The following CREM variants were observed in gnomAD, a reference collection of about 807,000 sequenced individuals.
CREM encodes the protein cAMP-responsive element modulator.
A neutral mutation model predicts 37.3 loss-of-function variants in CREM; 13 were observed. The ratio of observed to expected loss-of-function variants is 0.35; its 90% CI spans 0.23 to 0.55. CREM has a LOEUF of 0.55. Ranked by LOEUF, CREM falls within the 20% of genes least tolerant of loss-of-function variation. CREM has a pLI of 0.88. For synonymous variants in CREM, 124 were observed against 120.2 expected (o/e 1.03, Z -0.21); for missense variants, 296 against 362.3 (o/e 0.82, Z 1.49).
chr10:35,137,574 C>CA (rs1168270831), intron 1 of CREM, among the ~76,000 whole-genome samples: 25 of 151,972 alleles, frequency 1.6e-4, no homozygotes, highest in African/African-American at 5.5e-4. Flanking sequence ...GTAAGATTGA[C>CA]AAAAAACCGT....
chr10:35,199,312 T>A (rs1008100412), intron 6 of CREM, among the ~76,000 whole-genome samples: 1 of 152,274 alleles, frequency 6.6e-6, no homozygotes, highest in Non-Finnish European at 1.5e-5. Context: ...ACTCATGTTA[T>A]TTTCCTACTA....
chr10:35,206,836 T>C (rs1588892885), intron 6 of CREM, 59 bp from the exon 7 acceptor site: 1 of 1,543,274 alleles, frequency 6.5e-7, no homozygotes. Context: ...ATCAGTTTTA[T>C]GTAAAATGCC....
intron 3 of CREM, among the ~76,000 whole-genome samples, chr10:35,177,087 A>G (rs1047867361): frequency 6.6e-6 from 1 of 152,186 alleles, no homozygotes; most frequent in Non-Finnish European, 1.5e-5. Flanking sequence ...CAAAAAAAAA[A>G]ATCTGTGAGG....
At chr10:35,155,272 G>A (rs575271416) in intron 3 of CREM, among the ~76,000 whole-genome samples, 1 of 152,226 alleles carries the variant, frequency 6.6e-6, no homozygotes, top group African/African-American at 2.4e-5. Context: ...GTCACTAGCA[G>A]TAATGAAAAA....
chr10:35,197,684 C>T (rs1252995079), intron 6 of CREM, among the ~76,000 whole-genome samples: 2 of 152,144 alleles, frequency 1.3e-5, no homozygotes, highest in African/African-American at 4.8e-5. Context: ...GTCTCGATCT[C>T]CTGACCTCGT....
rs2095682104 is a variant in CREM, at chr10:35,212,888, AATGTGATCTATGTTT to A, written c.*1491_*1505del. Reference sequence around the variant, plus strand: ...TGAGGTTCATTACAATCGAGACTGCAATGTGATCTATGTTTCATCTTGTTTTTATAATAAAAAGCT... The same window carrying A: ...TGAGGTTCATTACAATCGAGACTGCACATCTTGTTTTTATAATAAAAAGCT... On this transcript the variant is annotated 3_prime_UTR_variant, in exon 8 of 8. Transcript: ENST00000685392. 6.5e-6 allele frequency: 1 copy of A among 152,738 alleles called. No homozygotes were observed. Among genetic ancestry groups the A allele is most frequent in the Non-Finnish European group, 1.5e-5 (1 of 68,020 alleles). 9.5% of individuals were successfully genotyped at this position (152,738 alleles called of 1,614,324 possible).
intron 1 of CREM, among the ~76,000 whole-genome samples, chr10:35,132,683 A>G (rs1050310918): frequency 3.3e-5 from 5 of 152,220 alleles, no homozygotes; most frequent in African/African-American, 1.2e-4. Context: ...TATAAGACCA[A>G]TGGTGTAATT....
chr10:35,210,872 T>A (rs1332136032), intron 7 of CREM: 1 of 159,466 alleles, frequency 6.3e-6, no homozygotes, highest in African/African-American at 2.4e-5. Flanking sequence ...ACTCATTATG[T>A]CGGAGTATGT....
rs2087868426 is a variant in CREM at position 35,126,887 on chromosome 10, G to C, written c.-361G>C. The C allele has an allele frequency of 6.6e-6, 1 of 152,330 alleles. No homozygotes were observed. The allele number at this position is 152,330 out of a possible 1,614,324, so 9.4% of individuals were successfully genotyped here. A position where few individuals can be genotyped will look rare whatever the true frequency, so the allele number is the denominator to read the frequency against. ...GCTTCACTCCTGCTGGCGGCCGGCA[G>C]GGGGCGGAGTTCGAGCCTGGATTTT... is the stretch of plus-strand genomic sequence containing the variant. On this transcript the variant is annotated 5_prime_UTR_variant, in exon 1 of 8. Transcript: ENST00000685392.
At chr10:35,142,065 G>T (rs958134882) in intron 2 of CREM, among the ~76,000 whole-genome samples, 6 of 152,164 alleles carry the variant, frequency 3.9e-5, no homozygotes, top group African/African-American at 1.4e-4. Flanking sequence ...CTCTAAACTT[G>T]GGGGTATCTA....
chr10:35,154,258 A>G (rs1399949559), intron 3 of CREM: 2 of 391,722 alleles, frequency 5.1e-6, no homozygotes, highest in Non-Finnish European at 9.0e-6. Context: ...TTGGTCCCAC[A>G]TAGGCCTAGG....
chr10:35,137,652 A>T, intron 1 of CREM, 130 bp from the exon 2 acceptor site: 1 of 345,296 alleles, frequency 2.9e-6, no homozygotes, highest in Non-Finnish European at 5.2e-6. Flanking sequence ...TTTTATTTTT[A>T]GTTTTATAGA....
chr10:35,162,319 G>A (rs1589695255), intron 3 of CREM, among the ~76,000 whole-genome samples: 2 of 152,250 alleles, frequency 1.3e-5, no homozygotes, highest in South Asian at 2.1e-4. Flanking sequence ...TATAATTACA[G>A]TTAGGAGGAA....
At chr10:35,203,230 G>GTCTTGT in intron 6 of CREM, among the ~76,000 whole-genome samples, 1 of 151,990 alleles carries the variant, frequency 6.6e-6, no homozygotes, top group Non-Finnish European at 1.5e-5. Context: ...ATGTCTTGTA[G>GTCTTGT]AGATCAGGTT....
intron 3 of CREM, among the ~76,000 whole-genome samples, chr10:35,151,150 A>G (rs2092571812): frequency 6.6e-6 from 1 of 152,228 alleles, no homozygotes; most frequent in African/African-American, 2.4e-5. Flanking sequence ...TTTGAATAAA[A>G]TGGAACATTA....
At chr10:35,178,457 C>T (rs991917069) in intron 3 of CREM, among the ~76,000 whole-genome samples, 7 of 152,184 alleles carry the variant, frequency 4.6e-5, no homozygotes, top group Admixed American at 4.6e-4. Context: ...CTCACGCCAG[C>T]GCCAGCTGTG....
At chr10:35,165,683 G>T (rs2093515749) in intron 3 of CREM, among the ~76,000 whole-genome samples, 1 of 151,498 alleles carries the variant, frequency 6.6e-6, no homozygotes, top group South Asian at 2.1e-4. Context: ...TTCTATAAAG[G>T]TCATGTCCAT....
chr10:35,211,188 C>G (rs1221060828), intron 7 of CREM, 66 bp from the exon 8 acceptor site: 1 of 1,561,028 alleles, frequency 6.4e-7, no homozygotes, highest in East Asian at 2.2e-5. Flanking sequence ...GGCAGAAGTG[C>G]ACTGACCCAC....
intron 7 of CREM, among the ~76,000 whole-genome samples, chr10:35,208,610 G>A (rs1255654701): frequency 3.3e-5 from 5 of 152,300 alleles, no homozygotes; most frequent in South Asian, 2.1e-4. Flanking sequence ...GCTCCCGGCT[G>A]TGTCATCTTC....
Sources: gnomAD v4.1 joint callset for allele counts (sites outside exome capture counted in the v4.1 genomes callset) on GRCh38, gnomAD v4.1.1 for gene constraint, MANE v1.5 for transcripts, NCBI Gene and HGNC (gene_info 2026-07-23, HGNC 2026-07-21) for gene names.